MEP1B: variants seen among roughly 807,000 people sequenced by gnomAD.
MEP1B encodes meprin A subunit beta.
In MEP1B, 80 loss-of-function variants were observed where a neutral mutation model predicts 84.6. That is an observed-to-expected ratio of 0.95 (90% CI 0.79 to 1.14). MEP1B has a LOEUF of 1.14. Ranked by LOEUF, MEP1B falls within the 50% of genes most tolerant of loss-of-function variation. The pLI, the probability that MEP1B is intolerant of heterozygous loss-of-function variation, is 0.00. For missense variants in MEP1B, 766 were observed against 855.1 expected (o/e 0.90, Z 1.30); for synonymous variants, 273 against 288.1 (o/e 0.95, Z 0.53).
In MEP1B at chr18:32,210,644, C is replaced by G. The variant is rs1443621753; in HGVS notation, c.1063C>G (p.Leu355Val). ...TAACAGTGGCAGTGAAAGTGATCAACTGAACATCTATATCAGGGAGTATTC... is the reference window on the plus strand; with the variant it reads ...TAACAGTGGCAGTGAAAGTGATCAAGTGAACATCTATATCAGGGAGTATTC... ...LYNSGSESDQ[L>V]NIYIREYSAD... The change falls in exon 10 of 15, where the codon CTG becomes GTG. Residue 355 changes from leucine (L) to valine (V), a missense_variant. By Grantham distance (32) the Leu-to-Val change is conservative (BLOSUM62 1). Transcript: ENST00000269202. 1 of 1,613,988 alleles carries G rather than the reference C, an allele frequency of 6.2e-7. No individual in the cohort carries two copies. Among genetic ancestry groups the G allele is most frequent in the South Asian group, 1.1e-5 (1 of 91,084 alleles).
intron 9 of MEP1B, among the ~76,000 whole-genome samples, chr18:32,209,918 G>A (rs562507779): frequency 3.3e-5 from 5 of 152,222 alleles, no homozygotes; most frequent in East Asian, 1.9e-4. Flanking sequence ...AGAAGTTCAC[G>A]TTGAATTACC....
rs767511649 is a variant in MEP1B at position 32,195,431 on chromosome 18, G to A, written c.196G>A (p.Gly66Arg). The A allele has an allele frequency of 6.2e-7, 1 of 1,612,014 alleles. No homozygotes were observed. The highest frequency in any genetic ancestry group is 1.1e-5 in the South Asian group (1 of 90,860). Residue 66 changes from glycine (G) to arginine (R), a missense_variant, in exon 5 of 15, where the codon GGA becomes AGA. Transcript: ENST00000269202. ...GGCACAAATTAGAAATTCCATCATT[G>A]GAGAAAAGTATAGATGGCCTCATAC... Reference protein sequence around the residue: ...DRAQIRNSIIGEKYRWPHTIP... With the variant: ...DRAQIRNSIIREKYRWPHTIP...
intron 5 of MEP1B, among the ~76,000 whole-genome samples, chr18:32,199,659 CTTTCGTT>C (rs33978819): frequency 1.8e-5 from 2 of 110,920 alleles, no homozygotes; most frequent in East Asian, 2.6e-4. Flanking sequence ...CCTTTTTTTC[CTTTCGTT>C]CGTTCCTTCC....
At chr18:32,211,497 C>T (rs1598895634) in intron 10 of MEP1B, among the ~76,000 whole-genome samples, 1 of 151,836 alleles carries the variant, frequency 6.6e-6, no homozygotes. Flanking sequence ...ACTGGTACTT[C>T]GGTTGTTTCA....
At position 32,192,630 on chromosome 18, in the gene MEP1B, G is replaced by A. The variant is rs2040813328; in HGVS notation, c.83-16G>A. 1 of 1,610,468 alleles carries A rather than the reference G, an allele frequency of 6.2e-7. No homozygotes were observed. Among genetic ancestry groups the A allele is most frequent in the Non-Finnish European group, 8.5e-7 (1 of 1,177,350 alleles). On this transcript the variant is annotated splice_polypyrimidine_tract_variant and intron_variant, in intron 2 of 14. Transcript: ENST00000269202. Reference sequence around the variant, plus strand: ...ACATAATGTTCAATTTTTTGTTGTTGTTGTTTTAATCAAAGATGTAGATGG... The same window carrying A: ...ACATAATGTTCAATTTTTTGTTGTTATTGTTTTAATCAAAGATGTAGATGG...
intron 7 of MEP1B, among the ~76,000 whole-genome samples, chr18:32,206,487 T>C (rs2040966283): frequency 6.6e-6 from 1 of 151,324 alleles, no homozygotes; most frequent in South Asian, 2.1e-4. Flanking sequence ...TGGAGTGCAG[T>C]GGCGTGATCA....
chr18:32,213,321 T>C lies in MEP1B; in HGVS notation c.1341T>C (p.Thr447=), dbSNP rs1338050578. The stretch of plus-strand genomic sequence containing the variant: ...AGTTCATTGGCAGCCCAAATGGAAC[T>C]CTGTATAGCCCTCCATTTTACTCTT... ...FTQFIGSPNG[T]LYSPPFYSSK... The change falls in exon 11 of 15, where the codon ACT becomes ACC. Residue 447 remains threonine (T), a synonymous_variant. Transcript: ENST00000269202. 6.2e-7 allele frequency: 1 copy of C among 1,613,894 alleles called. No individual in the cohort carries two copies. The highest frequency in any genetic ancestry group is 1.7e-5 in the Admixed American group (1 of 60,026).
chr18:32,204,432 C>G (rs551048857), intron 7 of MEP1B, 72 bp downstream of exon 7: 15 of 1,251,988 alleles, frequency 1.2e-5, no homozygotes, highest in Middle Eastern at 2.5e-4. Flanking sequence ...CTCTTGTCAT[C>G]TGTGGCAACT....
rs549323863 is a variant in MEP1B at position 32,193,329 on chromosome 18, C to T, written c.171+512C>T. On this transcript the variant is annotated intron_variant, in intron 4 of 14. Transcript: ENST00000269202. Reference sequence around the variant, plus strand: ...TAAGTCATCATGCCACACAGATAAACACAAGAACCTTGCAGGTAGATTAGG... The same window carrying T: ...TAAGTCATCATGCCACACAGATAAATACAAGAACCTTGCAGGTAGATTAGG... Among the ~76,000 whole-genome samples, 35 of 152,180 alleles carry T rather than the reference C, an allele frequency of 2.3e-4. No homozygotes were observed. The South Asian group carries it at 2.5e-3, about 11-fold the overall frequency.
Position 32,208,090 on chromosome 18 carries a change from T to C in MEP1B, c.767-29T>C, listed in dbSNP as rs2040984133. 3.1e-6 allele frequency: 5 copies of C among 1,609,266 alleles called. No homozygotes were observed. The East Asian group carries it at 1.1e-4, about 36-fold the overall frequency. ...TACTTAGATTATCATGTTGTATGAG[T>C]GTCAATAATTGTTTTTTGCTTTTTG... is the stretch of plus-strand genomic sequence containing the variant. On this transcript the variant is annotated intron_variant, in intron 8 of 14. Transcript: ENST00000269202.
chr18:32,207,191 T>C (rs2040974149), intron 7 of MEP1B, 61 bp from the exon 8 acceptor site: 2 of 1,124,110 alleles, frequency 1.8e-6, no homozygotes, highest in Non-Finnish European at 2.6e-6. Context: ...TGAGCAGTAT[T>C]TGGAGTAAGA....
In MEP1B at chr18:32,213,236, A is replaced by G; in HGVS notation, c.1256A>G (p.Asp419Gly). Reference sequence around the variant, plus strand: ...TCACTGGGTGGTCTGTCTATTGATGACATCAATCTTTCGGAAACACGGTGC... The same window carrying G: ...TCACTGGGTGGTCTGTCTATTGATGGCATCAATCTTTCGGAAACACGGTGC... ...GASLGGLSID[D>G]INLSETRCPH... is the part of the protein sequence containing the mutation. Residue 419 changes from aspartate to glycine, a missense_variant, in exon 11 of 15, where the codon GAC (aspartate) becomes GGC (glycine). Physicochemically the swap from Asp to Gly is moderately conservative, Grantham distance 94. Coordinates refer to ENST00000269202, the MANE Select transcript of MEP1B (RefSeq NM_005925.3). 1 of 1,613,924 alleles carries G rather than the reference A, an allele frequency of 6.2e-7. No individual in the cohort carries two copies. Among genetic ancestry groups the G allele is most frequent in the Non-Finnish European group, 8.5e-7 (1 of 1,179,804 alleles).
At chr18:32,204,383 T>C (rs78243859) in intron 7 of MEP1B, 23 bp downstream of exon 7, 35,118 of 1,550,002 alleles carry the variant, frequency 0.023, 468 homozygotes, top group Non-Finnish European at 0.027. Flanking sequence ...TTTTTTCCTA[T>C]GTTTTTAGTT....
chr18:32,196,533 T>C lies in MEP1B; in HGVS notation c.250+1048T>C. ...GATGAGGTGGTGGCCAAGGGCCACC[T>C]TGAGAGCTTTGGGCCCTTGGTACTT... On this transcript the variant is annotated intron_variant, in intron 5 of 14. Transcript: ENST00000269202. This position sits in a 1 kb window ranked among gnomAD's most constrained non-coding sequence, Gnocchi z 4.4. The C allele has an allele frequency of 1.4e-6, 1 of 698,886 alleles. No homozygotes were observed. Among genetic ancestry groups the C allele is most frequent in the South Asian group, 1.5e-5 (1 of 67,602 alleles). 43.3% of individuals were successfully genotyped at this position (698,886 alleles called of 1,614,324 possible). A position where few individuals can be genotyped will look rare whatever the true frequency, so the allele number is the denominator to read the frequency against.
Position 32,204,298 on chromosome 18 carries a change from A to G in MEP1B, c.485A>G (p.His162Arg). 1.2e-6 allele frequency: 2 copies of G among 1,604,522 alleles called. No individual in the cohort carries two copies. Among genetic ancestry groups the G allele is most frequent in the Non-Finnish European group, 1.7e-6 (2 of 1,175,754 alleles). Residue 162 changes from histidine to arginine, a missense_variant, in exon 7 of 15, where the codon CAT becomes CGT. His to Arg is a conservative substitution (Grantham distance 29). Coordinates refer to ENST00000269202, the MANE Select transcript of MEP1B (RefSeq NM_005925.3). ...HEFLHALGFW[H>R]EQSRSDRDDY... ...TTCCTCCACGCTCTGGGATTCTGGC[A>G]TGAGCAGTCGCGTTCTGACCGGGAT...
chr18:32,217,427 T>G (rs2041102631), intron 13 of MEP1B, among the ~76,000 whole-genome samples: 1 of 152,148 alleles, frequency 6.6e-6, no homozygotes. Flanking sequence ...GATACTGACG[T>G]TCTGAGGAGC....
In MEP1B at chr18:32,199,668, GTTCCTTCCTTCCTTCCTTCC is replaced by G. The variant is rs201128780; in HGVS notation, c.251-3201_251-3182del. On this transcript the variant is annotated intron_variant, in intron 5 of 14. Coordinates refer to ENST00000269202, the MANE Select transcript of MEP1B (RefSeq NM_005925.3). ...ATTCTTCCTTTTTTTCCTTTCGTTC[GTTCCTTCCTTCCTTCCTTCC>G]TTCCTTCCTTCCTTCCTTCCTTCTT... is the stretch of plus-strand genomic sequence containing the variant. Among the ~76,000 whole-genome samples the G allele has an allele frequency of 2.4e-5, 3 of 126,848 alleles. No individual in the cohort carries two copies. In the Admixed American group the frequency reaches 2.4e-4, roughly 10 times the overall value. The allele number at this position is 126,848 out of a possible 152,430, so 83.2% of individuals were successfully genotyped here.
intron 10 of MEP1B, among the ~76,000 whole-genome samples, chr18:32,211,675 A>G (rs1157916944): frequency 6.6e-6 from 1 of 152,176 alleles, no homozygotes; most frequent in Non-Finnish European, 1.5e-5. Flanking sequence ...CCCACCCTTC[A>G]TACCAATAAT....
Position 32,207,437 on chromosome 18 carries a change from G to C in MEP1B, c.733G>C (p.Asp245His), listed in dbSNP as rs1266820149. 1.9e-6 allele frequency: 3 copies of C among 1,612,510 alleles called. No individual in the cohort carries two copies. In the Admixed American group the frequency reaches 5.0e-5, roughly 27 times the overall value. The change falls in exon 8 of 15, where the codon GAT becomes CAT. Residue 245 changes from aspartate to histidine, a missense_variant. Transcript: ENST00000269202. Reference sequence around the variant, plus strand: ...CCAACGAATGGATTTCAGTGACTCTGATCTCCTAAAGTTGAATCAACTGTA... The same window carrying C: ...CCAACGAATGGATTTCAGTGACTCTCATCTCCTAAAGTTGAATCAACTGTA... The part of the protein sequence containing the change: ...IGQRMDFSDS[D>H]LLKLNQLYNC...
Sources: gnomAD v4.1 joint callset for allele counts (sites outside exome capture counted in the v4.1 genomes callset) on GRCh38, gnomAD v4.1.1 for gene constraint, Gnocchi (gnomAD v3.1) non-coding constraint, MANE v1.5 for transcripts, NCBI Gene and HGNC (gene_info 2026-07-23, HGNC 2026-07-21) for gene names.